The following SLC5A1 variants were observed in gnomAD, a reference collection of about 807,000 sequenced individuals.
SLC5A1 encodes sodium/glucose cotransporter 1.
Under a neutral mutation model 73.5 loss-of-function variants are expected in SLC5A1, and 42 were observed. The observed-to-expected ratio is 0.57, with a 90% CI of 0.45 to 0.74. The LOEUF (loss-of-function observed/expected upper bound fraction) is 0.74. Ranked by LOEUF, SLC5A1 falls within the 30% of genes least tolerant of loss-of-function variation. The probability of loss-of-function intolerance (pLI) is 0.00; values close to 1 mark genes in which losing one functional copy is unlikely to be tolerated. For synonymous variants in SLC5A1, 300 were observed against 317.4 expected (o/e 0.95, Z 0.58); for missense variants, 634 against 855.4 (o/e 0.74, Z 3.23).
At chr22:32,047,460 A>G (rs1262794898) in intron 1 of SLC5A1, among the ~76,000 whole-genome samples, 2 of 150,034 alleles carry the variant, frequency 1.3e-5, no homozygotes, top group Non-Finnish European at 3.0e-5. Context: ...GGTCCTTGGG[A>G]ATTTTTTCTG....
At chr22:32,077,242 CCCTT>C (rs959922627) in intron 5 of SLC5A1, among the ~76,000 whole-genome samples, 15 of 151,228 alleles carry the variant, frequency 9.9e-5, no homozygotes, top group South Asian at 4.2e-4. Context: ...TTCCCTCCCT[CCCTT>C]CCTTCACTCC....
chr22:32,091,332 CA>C lies in SLC5A1; in HGVS notation c.1130-279del, dbSNP rs1333864965. On this transcript the variant is annotated intron_variant, in intron 10 of 14. Transcript: ENST00000266088. ...ACACACACACACACACACACACACA[CA>C]CACACACACCCCACCACCTTCATCA... Among the ~76,000 whole-genome samples the C allele has an allele frequency of 5.2e-3, 749 of 144,828 alleles. 10 individuals are homozygous for C. Among genetic ancestry groups the C allele is most frequent in the African/African-American group, 0.017 (701 of 40,748 alleles).
intron 1 of SLC5A1, among the ~76,000 whole-genome samples, chr22:32,047,479 C>T (rs544931052): frequency 1.7e-4 from 26 of 151,168 alleles, no homozygotes; most frequent in African/African-American, 6.4e-4. Context: ...TGTTTTGGCC[C>T]TTAGCTACCT....
chr22:32,094,679 T>C (rs945885287), intron 11 of SLC5A1, among the ~76,000 whole-genome samples: 2 of 152,204 alleles, frequency 1.3e-5, no homozygotes, highest in African/African-American at 4.8e-5. Context: ...GTGGTGTCAG[T>C]TGTAATATCT....
intron 2 of SLC5A1, among the ~76,000 whole-genome samples, chr22:32,061,335 A>C (rs750244508): frequency 3.3e-5 from 5 of 152,068 alleles, no homozygotes; most frequent in Non-Finnish European, 5.9e-5. Flanking sequence ...GAATCACTTC[A>C]GCCTGGGACG....
At chr22:32,049,602 G>A (rs2093942594) in intron 1 of SLC5A1, among the ~76,000 whole-genome samples, 1 of 151,248 alleles carries the variant, frequency 6.6e-6, no homozygotes, top group Non-Finnish European at 1.5e-5. Context: ...ACCTCAATAT[G>A]CTTGTAAGAA....
rs576338409 is a variant in SLC5A1 at position 32,107,938 on chromosome 22, C to T, written c.1772-2052C>T. Among the ~76,000 whole-genome samples the T allele has an allele frequency of 2.0e-5, 3 of 152,218 alleles. No individual in the cohort carries two copies. In the South Asian group the frequency reaches 6.2e-4, roughly 32 times the overall value. On this transcript the variant is annotated intron_variant, in intron 14 of 14. Coordinates refer to ENST00000266088, the MANE Select transcript of SLC5A1 (RefSeq NM_000343.4). ...TCCTCACCACCACCACCACCACCAC[C>T]ATCATCGATAATGATATGATCATAA...
rs533987595 is a variant in SLC5A1 at position 32,052,260 on chromosome 22, T to C, written c.207+2246T>C. 1.6e-4 allele frequency among the ~76,000 whole-genome samples: 25 copies of C among 152,338 alleles called. No individual in the cohort carries two copies. In the South Asian group the frequency reaches 5.0e-3, roughly 30 times the overall value. ...TCTGAAAACCAAGAAATTATTTCAT[T>C]TGGGGCCGACCAGAGACCCTGATGA... On this transcript the variant is annotated intron_variant, in intron 2 of 14. Transcript: ENST00000266088.
At chr22:32,082,273 A>G (rs1169714188) in intron 6 of SLC5A1, among the ~76,000 whole-genome samples, 1 of 152,194 alleles carries the variant, frequency 6.6e-6, no homozygotes, top group African/African-American at 2.4e-5. Flanking sequence ...GAGCAGTGGC[A>G]GGTGCAGAAA....
At chr22:32,054,127 C>G (rs138113624) in intron 2 of SLC5A1, among the ~76,000 whole-genome samples, 2 of 152,046 alleles carry the variant, frequency 1.3e-5, no homozygotes, top group African/African-American at 2.4e-5. Context: ...GAGCTGAGAT[C>G]GCACCATTGC....
At chr22:32,076,533 G>A in intron 5 of SLC5A1, among the ~76,000 whole-genome samples, 1 of 152,212 alleles carries the variant, frequency 6.6e-6, no homozygotes, top group African/African-American at 2.4e-5. Flanking sequence ...AATGTTTACA[G>A]CAATTCTGCT....
chr22:32,085,146 C>CAAA, intron 9 of SLC5A1, 111 bp downstream of exon 9: 2 of 1,279,290 alleles, frequency 1.6e-6, no homozygotes, highest in Non-Finnish European at 2.3e-6. Flanking sequence ...GACCAGGTCT[C>CAAA]ACTCTGTCAC....
chr22:32,087,928 G>C (rs1041594038), intron 10 of SLC5A1, among the ~76,000 whole-genome samples: 6 of 152,110 alleles, frequency 3.9e-5, no homozygotes, highest in African/African-American at 1.2e-4. Context: ...CATGCTTAAC[G>C]CTGCTCAAGG....
At chr22:32,047,725 G>A (rs1569298246) in intron 1 of SLC5A1, among the ~76,000 whole-genome samples, 1 of 152,190 alleles carries the variant, frequency 6.6e-6, no homozygotes, top group African/African-American at 2.4e-5. Flanking sequence ...TGAGCACCTA[G>A]CAAAATGTTA....
chr22:32,086,303 TTAG>T lies in SLC5A1; in HGVS notation c.1107_1109del (p.Val371del). The T allele has an allele frequency of 4.3e-6, 7 of 1,612,802 alleles. No individual in the cohort carries two copies. The highest frequency in any genetic ancestry group is 5.9e-6 in the Non-Finnish European group (7 of 1,178,790). On this transcript the variant is annotated inframe_deletion, in exon 10 of 15. Transcript: ENST00000266088. The stretch of plus-strand genomic sequence containing the variant: ...CTGTACCAACATCGCCTATCCAACC[TTAG>T]TGGTGGAGCTCATGCCCAATGGTGA...
At position 32,050,100 on chromosome 22, in the gene SLC5A1, G is replaced by A. The variant is rs2093943328; in HGVS notation, c.207+86G>A. The A allele has an allele frequency of 5.9e-6, 7 of 1,183,532 alleles. No individual in the cohort carries two copies. The South Asian group carries it at 7.3e-5, about 12-fold the overall frequency. 73.3% of individuals were successfully genotyped at this position (1,183,532 alleles called of 1,614,324 possible). On this transcript the variant is annotated intron_variant, in intron 2 of 14. Coordinates refer to ENST00000266088, the MANE Select transcript of SLC5A1 (RefSeq NM_000343.4). ...CATTTTCTTCTTGGCTTTGGGTGGTGGTGATTCTAGGATTCAAGGATCCCA... is the reference window on the plus strand; with the variant it reads ...CATTTTCTTCTTGGCTTTGGGTGGTAGTGATTCTAGGATTCAAGGATCCCA...
At chr22:32,099,097 AAAAAAAAAAT>A (rs1260741976) in intron 11 of SLC5A1, 76 bp from the exon 12 acceptor site, 3 of 161,752 alleles carry the variant, frequency 1.9e-5, no homozygotes, top group African/African-American at 6.0e-5. Context: ...AAAAAAAAAA[AAAAAAAAAAT>A]ATATATATAT....
intron 5 of SLC5A1, among the ~76,000 whole-genome samples, chr22:32,079,938 G>A (rs569820661): frequency 2.0e-4 from 31 of 152,266 alleles, no homozygotes; most frequent in Non-Finnish European, 3.2e-4. Flanking sequence ...GAATGGAAGC[G>A]GTCCAGAACC....
intron 12 of SLC5A1, 127 bp downstream of exon 12, chr22:32,099,478 A>C (rs930788264): frequency 3.1e-6 from 3 of 955,402 alleles, no homozygotes; most frequent in Non-Finnish European, 5.0e-6. Context: ...TGTGCTGCTG[A>C]GGGTTTGTAG....
Sources: allele counts gnomAD v4.1 joint callset (sites outside exome capture counted in the v4.1 genomes callset), GRCh38; gene constraint gnomAD v4.1.1; transcripts MANE v1.5; gene names NCBI Gene and HGNC (gene_info 2026-07-23, HGNC 2026-07-21).